NRXN3: variants seen among roughly 807,000 people sequenced by gnomAD.
The protein encoded by NRXN3 is neurexin 3.
In NRXN3, 32 loss-of-function variants were observed where a neutral mutation model predicts 137.6. That is an observed-to-expected ratio of 0.23 (90% confidence interval 0.18 to 0.31). The LOEUF (loss-of-function observed/expected upper bound fraction) is 0.31. Ranked by LOEUF, NRXN3 falls within the 10% of genes least tolerant of loss-of-function variation. NRXN3 has a pLI of 1.00. For synonymous variants in NRXN3, 798 were observed against 784.5 expected, an observed-to-expected ratio of 1.02 and a Z score of -0.29; for missense variants, 1,574 against 2,062.5, an observed-to-expected ratio of 0.76 and a Z score of 4.59.
In NRXN3 at chr14:79,092,188, G is replaced by A. The variant is rs754153610; in HGVS notation, c.3262+104047G>A. On this transcript the variant is annotated intron_variant, in intron 15 of 20. Coordinates refer to ENST00000335750, the MANE Select transcript of NRXN3 (RefSeq NM_001330195.2). ...ACCAGTTCTAATATGCAGGGAACAC[G>A]TTTGAAACGGGATCACAGTTGACTA... Among the ~76,000 whole-genome samples, 9 of 152,148 alleles carry A rather than the reference G, an allele frequency of 5.9e-5. No homozygotes were observed. In the East Asian group the frequency reaches 7.7e-4, roughly 13 times the overall value.
chr14:78,892,774 C>CTGTGTGTGTGTGTG (rs58718552), intron 10 of NRXN3, among the ~76,000 whole-genome samples: 2,749 of 140,108 alleles, frequency 0.02, 72 homozygotes, highest in East Asian at 0.098. Context: ...CCCCCATCTT[C>CTGTGTGTGTGTGTG]TGTGTGTGTG....
At chr14:78,407,393 C>T (rs896806149) in intron 4 of NRXN3, among the ~76,000 whole-genome samples, 3 of 152,066 alleles carry the variant, frequency 2.0e-5, no homozygotes, top group African/African-American at 7.2e-5. Context: ...TGTTTTTTCT[C>T]TTATTTCCTC....
intron 4 of NRXN3, among the ~76,000 whole-genome samples, chr14:78,427,769 G>A (rs929333941): frequency 6.6e-6 from 1 of 152,318 alleles, no homozygotes; most frequent in African/African-American, 2.4e-5. Context: ...ATCAATCAGA[G>A]CCCAGGCTAA....
chr14:79,648,987 C>T (rs542341950), intron 16 of NRXN3, among the ~76,000 whole-genome samples: 239 of 152,218 alleles, frequency 1.6e-3, no homozygotes, highest in Middle Eastern at 0.01. Flanking sequence ...GAGTGGCAAG[C>T]GATGCATCCA....
intron 2 of NRXN3, among the ~76,000 whole-genome samples, chr14:78,254,445 C>T (rs971684686): frequency 1.3e-5 from 2 of 152,248 alleles, no homozygotes; most frequent in Middle Eastern, 3.4e-3. Context: ...CTTTGGGAGG[C>T]CGAGGCAGGC....
chr14:78,987,457 A>G (rs73317254), intron 14 of NRXN3, among the ~76,000 whole-genome samples: 1,730 of 152,264 alleles, frequency 0.011, 23 homozygotes, highest in African/African-American at 0.036. Flanking sequence ...ATGTAAATAC[A>G]TTGTTTAGTA....
intron 15 of NRXN3, among the ~76,000 whole-genome samples, chr14:79,326,651 T>C (rs1381237262): frequency 6.6e-6 from 1 of 152,244 alleles, no homozygotes; most frequent in African/African-American, 2.4e-5. Flanking sequence ...TTCTCATCTT[T>C]ACTCTAGGTG....
Position 79,700,385 on chromosome 14 carries a change from C to T in NRXN3, c.4014+2448C>T, listed in dbSNP as rs192782225. ...CCGGGCCCATTATTCACTTTTTTAT[C>T]TATATGTGAAATCATACATAGAACA... is the stretch of plus-strand genomic sequence containing the variant. On this transcript the variant is annotated intron_variant, in intron 19 of 20. Coordinates refer to ENST00000335750, the MANE Select transcript of NRXN3 (RefSeq NM_001330195.2). Among the ~76,000 whole-genome samples the T allele has an allele frequency of 8.7e-4, 132 of 152,162 alleles. 1 individual carries two copies. Among genetic ancestry groups the T allele is most frequent in the African/African-American group, 3.1e-3 (128 of 41,538 alleles).
chr14:79,836,987 T>C (rs778599723), intron 20 of NRXN3, among the ~76,000 whole-genome samples: 6 of 152,166 alleles, frequency 3.9e-5, no homozygotes, highest in Non-Finnish European at 8.8e-5. Context: ...CAATATTCCA[T>C]GTGTCCAAAG....
intron 1 of NRXN3, among the ~76,000 whole-genome samples, chr14:78,174,373 G>T (rs941517222): frequency 6.6e-6 from 1 of 152,116 alleles, no homozygotes; most frequent in African/African-American, 2.4e-5. Context: ...GAACCAGAGG[G>T]CACTGCAGAA....
At chr14:79,026,273 A>G (rs2099597884) in intron 15 of NRXN3, among the ~76,000 whole-genome samples, 3 of 152,176 alleles carry the variant, frequency 2.0e-5, no homozygotes, top group African/African-American at 7.2e-5. Context: ...GTCAGATTCA[A>G]TTGTTACTGA....
chr14:78,784,980 G>A (rs1243780729), intron 8 of NRXN3, among the ~76,000 whole-genome samples: 1 of 152,188 alleles, frequency 6.6e-6, no homozygotes, highest in Non-Finnish European at 1.5e-5. Flanking sequence ...AAGACCAGGG[G>A]CTCAGATCAT....
intron 16 of NRXN3, among the ~76,000 whole-genome samples, chr14:79,496,266 C>A (rs1404168092): frequency 6.6e-6 from 1 of 152,004 alleles, no homozygotes; most frequent in Non-Finnish European, 1.5e-5. Flanking sequence ...GACACACACA[C>A]ACACACACAC....
intron 4 of NRXN3, among the ~76,000 whole-genome samples, chr14:78,574,537 T>C (rs1406999491): frequency 6.6e-6 from 1 of 152,228 alleles, no homozygotes; most frequent in Admixed American, 6.5e-5. Context: ...GAGATAATTT[T>C]GGAGCTTTAA....
At chr14:78,491,431 G>A (rs893238927) in intron 4 of NRXN3, among the ~76,000 whole-genome samples, 5 of 152,158 alleles carry the variant, frequency 3.3e-5, no homozygotes, top group Non-Finnish European at 7.3e-5. Flanking sequence ...CGAGGAGTGA[G>A]GCAGAGAGGA....
At chr14:78,853,242 G>A (rs112791061) in intron 10 of NRXN3, among the ~76,000 whole-genome samples, 4,215 of 152,022 alleles carry the variant, frequency 0.028, 216 homozygotes, top group African/African-American at 0.096. Context: ...AACAGGCCCC[G>A]GTGTGTGATG....
intron 1 of NRXN3, among the ~76,000 whole-genome samples, chr14:78,202,960 T>G (rs950708371): frequency 3.3e-5 from 5 of 152,218 alleles, no homozygotes; most frequent in South Asian, 2.1e-4. Context: ...CAAGTAGAGA[T>G]AGACATCTAG....
chr14:79,108,307 A>C (rs1055985865), intron 15 of NRXN3, among the ~76,000 whole-genome samples: 7 of 152,152 alleles, frequency 4.6e-5, no homozygotes, highest in African/African-American at 1.7e-4. Context: ...TTTTGCTTAG[A>C]ATGAAAATCA....
At chr14:79,818,046 GTTTTTTTTT>G (rs55815632) in intron 20 of NRXN3, among the ~76,000 whole-genome samples, 1 of 90,246 alleles carries the variant, frequency 1.1e-5, no homozygotes, top group Admixed American at 1.2e-4. Context: ...GTGCACTTGG[GTTTTTTTTT>G]TTTTTTTTTT....
Sources: gnomAD v4.1 joint callset for allele counts (sites outside exome capture counted in the v4.1 genomes callset) on GRCh38, gnomAD v4.1.1 for gene constraint, MANE v1.5 for transcripts, NCBI Gene and HGNC (gene_info 2026-07-23, HGNC 2026-07-21) for gene names.